Variants in ARHGEF18 observed in about 807,000 individuals in gnomAD.
ARHGEF18 encodes the protein Rho/Rac guanine nucleotide exchange factor 18.
In ARHGEF18, 93 loss-of-function variants were observed where a neutral mutation model predicts 155.7. The observed-to-expected ratio is 0.60, with a 90% CI of 0.50 to 0.71. The LOEUF is 0.71. Among genes scored for constraint, ARHGEF18 ranks in the 30% least tolerant of loss-of-function variants. The probability of loss-of-function intolerance (pLI) is 0.00; values close to 1 mark genes in which losing one functional copy is unlikely to be tolerated. For missense variants in ARHGEF18, 1,593 were observed against 1,816.1 expected (o/e 0.88, Z 2.23); for synonymous variants, 742 against 753.1 (o/e 0.99, Z 0.24).
At chr19:7,468,371 C>T (rs1446819085) in intron 26 of ARHGEF18, among the ~76,000 whole-genome samples, 1 of 147,084 alleles carries the variant, frequency 6.8e-6, no homozygotes, top group Non-Finnish European at 1.5e-5. Flanking sequence ...GTAGTGAGAC[C>T]TCATCTCTAA....
At chr19:7,392,433 C>T (rs894989307) in intron 10 of ARHGEF18, among the ~76,000 whole-genome samples, 3 of 151,734 alleles carry the variant, frequency 2.0e-5, no homozygotes, top group Admixed American at 2.0e-4. Flanking sequence ...GACCCAGTGG[C>T]TCACGCCTGT....
intron 10 of ARHGEF18, among the ~76,000 whole-genome samples, chr19:7,438,625 A>G (rs8112354): frequency 0.4 from 60,346 of 151,552 alleles, 12,580 homozygotes; most frequent in Middle Eastern, 0.54. Context: ...TGGCTAGGCT[A>G]GTCTTGAACT....
rs1412985931 is a variant in ARHGEF18 at position 7,462,858 on chromosome 19, A to T, written c.2635+524A>T. ...TTTCTTTTTTTTTTTTTTTTTTGAG[A>T]TGGAGTCTCGCTTTGTCACCCAGGC... On this transcript the variant is annotated intron_variant, in intron 21 of 28. Coordinates refer to ENST00000668164, the MANE Select transcript of ARHGEF18 (RefSeq NM_001367823.1). The surrounding 1 kb of genome is among the most constrained non-coding windows in gnomAD (Gnocchi z 4.4). 9.0e-6 allele frequency among the ~76,000 whole-genome samples: 1 copy of T among 110,736 alleles called. No homozygotes were observed. 72.6% of individuals were successfully genotyped at this position (110,736 alleles called of 152,430 possible).
In ARHGEF18 at chr19:7,453,536, A is replaced by G. The variant is rs764724411; in HGVS notation, c.1925A>G (p.Asp642Gly). 1.2e-6 allele frequency: 2 copies of G among 1,614,132 alleles called. No individual in the cohort carries two copies. The highest frequency in any genetic ancestry group is 1.7e-6 in the Non-Finnish European group (2 of 1,179,966). ...ATCAAAGATATCATCTCACAAGTGG[A>G]CGCCAAGGTCAGTGAGTGTGAGAAG... is the stretch of plus-strand genomic sequence containing the variant. Reference protein sequence around the residue: ...NLIKDIISQVDAKVSECEKGQ... With the variant: ...NLIKDIISQVGAKVSECEKGQ... The change falls in exon 17 of 29, where the codon GAC becomes GGC. Residue 642 changes from aspartate to glycine, a missense_variant. By Grantham distance (94) the Asp-to-Gly change is moderately conservative. Transcript: ENST00000668164.
At chr19:7,405,845 C>T (rs1972273485) in intron 10 of ARHGEF18, among the ~76,000 whole-genome samples, 2 of 147,422 alleles carry the variant, frequency 1.4e-5, no homozygotes, top group Admixed American at 1.3e-4. Flanking sequence ...TGGTCTTAAA[C>T]TCTTGGGCTC....
At chr19:7,441,309 A>C (rs1974631470) in intron 11 of ARHGEF18, among the ~76,000 whole-genome samples, 1 of 151,462 alleles carries the variant, frequency 6.6e-6, no homozygotes, top group Non-Finnish European at 1.5e-5. Flanking sequence ...CCTCCCAAGT[A>C]GCTGGGATTA....
intron 10 of ARHGEF18, among the ~76,000 whole-genome samples, chr19:7,401,443 G>A (rs1187424231): frequency 6.6e-6 from 1 of 152,050 alleles, no homozygotes; most frequent in African/African-American, 2.4e-5. Context: ...ACACCATCAC[G>A]CCTGGCTAAT....
chr19:7,421,954 C>T (rs1279823872), intron 10 of ARHGEF18, among the ~76,000 whole-genome samples: 2 of 152,006 alleles, frequency 1.3e-5, no homozygotes, highest in South Asian at 2.1e-4. Flanking sequence ...CTCGGTGGCC[C>T]AAACCAGACA....
chr19:7,477,280 G>A (rs761585457), downstream of ARHGEF18: 3 of 1,585,704 alleles, frequency 1.9e-6, no homozygotes, highest in South Asian at 3.4e-5. Flanking sequence ...TGGTGCCCAT[G>A]AGGCCCACTA....
At chr19:7,460,945 C>T (rs1373425556) in intron 20 of ARHGEF18, among the ~76,000 whole-genome samples, 3 of 152,084 alleles carry the variant, frequency 2.0e-5, no homozygotes, top group South Asian at 2.1e-4. Context: ...CCCGCCACCA[C>T]GCCCCACTAA....
intron 10 of ARHGEF18, among the ~76,000 whole-genome samples, chr19:7,433,322 C>G (rs899024354): frequency 6.6e-6 from 1 of 151,750 alleles, no homozygotes; most frequent in African/African-American, 2.4e-5. Flanking sequence ...CAAAAATTAG[C>G]TGGGTGTGGT....
At chr19:7,422,716 CT>C (rs67634093) in intron 10 of ARHGEF18, among the ~76,000 whole-genome samples, 6,260 of 111,106 alleles carry the variant, frequency 0.056, 221 homozygotes, top group East Asian at 0.19. Flanking sequence ...TCTAACTTTT[CT>C]TTTTTTTTTT....
intron 10 of ARHGEF18, among the ~76,000 whole-genome samples, chr19:7,437,918 C>T (rs1302559002): frequency 6.6e-6 from 1 of 152,050 alleles, no homozygotes; most frequent in South Asian, 2.1e-4. Context: ...GCTGGGATTA[C>T]AGGCATGAGC....
At chr19:7,423,882 G>A (rs1047451853) in intron 10 of ARHGEF18, among the ~76,000 whole-genome samples, 2 of 151,952 alleles carry the variant, frequency 1.3e-5, no homozygotes. Flanking sequence ...TGATAGAAGC[G>A]AGCTGTGTGT....
At chr19:7,389,133 G>A (rs1245669369) in intron 10 of ARHGEF18, among the ~76,000 whole-genome samples, 5 of 146,722 alleles carry the variant, frequency 3.4e-5, no homozygotes, top group East Asian at 4.0e-4. Context: ...CTACAGTCTC[G>A]TAGCACCACA....
In ARHGEF18 at chr19:7,419,283, G is replaced by A. The variant is rs140081906; in HGVS notation, c.968-21061G>A. 4.0e-4 allele frequency among the ~76,000 whole-genome samples: 48 copies of A among 119,168 alleles called. 1 individual carries two copies. The East Asian group carries it at 0.012, about 30-fold the overall frequency. 78.2% of individuals were successfully genotyped at this position (119,168 alleles called of 152,430 possible). Reference sequence around the variant, plus strand: ...CCGCACCCCAGGTGTGCCCACACTCGGCCCCCGCACCTGGGTGTGCCCACA... The same window carrying A: ...CCGCACCCCAGGTGTGCCCACACTCAGCCCCCGCACCTGGGTGTGCCCACA... On this transcript the variant is annotated intron_variant, in intron 10 of 28. Coordinates refer to ENST00000668164, the MANE Select transcript of ARHGEF18 (RefSeq NM_001367823.1).
intron 10 of ARHGEF18, among the ~76,000 whole-genome samples, chr19:7,428,961 G>A (rs1335740228): frequency 6.6e-6 from 1 of 152,192 alleles, no homozygotes; most frequent in Non-Finnish European, 1.5e-5. Flanking sequence ...AAGGTGCAGC[G>A]AGGCTGTGCA....
intron 10 of ARHGEF18, among the ~76,000 whole-genome samples, chr19:7,400,620 G>T (rs542948132): frequency 4.1e-4 from 62 of 152,222 alleles, no homozygotes; most frequent in African/African-American, 1.5e-3. Flanking sequence ...ACTACTTCAG[G>T]CCAGGAGTTC....
intron 17 of ARHGEF18, among the ~76,000 whole-genome samples, 179 bp downstream of exon 17, chr19:7,453,894 G>T (rs1490718034): frequency 3.3e-5 from 5 of 152,034 alleles, no homozygotes; most frequent in Non-Finnish European, 5.9e-5. Context: ...GCACTATCCT[G>T]TATCAGTGGG....
Sources: allele counts gnomAD v4.1 joint callset (sites outside exome capture counted in the v4.1 genomes callset), GRCh38; gene constraint gnomAD v4.1.1; non-coding constraint Gnocchi (gnomAD v3.1); transcripts MANE v1.5; gene names NCBI Gene and HGNC (gene_info 2026-07-23, HGNC 2026-07-21).